The following ARHGAP19 variants were observed in gnomAD, a reference collection of about 807,000 sequenced individuals.
ARHGAP19 encodes the protein Rho GTPase activating protein 19.
A neutral mutation model predicts 60.9 loss-of-function variants in ARHGAP19; 48 were observed. That is an observed-to-expected ratio of 0.79 (90% CI 0.62 to 1.00). The LOEUF is 1.00. Ranked by LOEUF, ARHGAP19 falls within the 50% of genes least tolerant of loss-of-function variation. The pLI, the probability that ARHGAP19 is intolerant of heterozygous loss-of-function variation, is 0.00. For synonymous variants in ARHGAP19, 209 were observed against 215.5 expected (o/e 0.97, Z 0.27); for missense variants, 562 against 597.2 (o/e 0.94, Z 0.61).
chr10:97,248,295 AC>A, intron 6 of ARHGAP19, among the ~76,000 whole-genome samples: 1 of 152,038 alleles, frequency 6.6e-6, no homozygotes, highest in East Asian at 1.9e-4. Context: ...TCACCTGTAG[AC>A]CCAGCTACTC....
At chr10:97,229,094 G>A (rs1850953711) in intron 11 of ARHGAP19, 53 bp downstream of exon 11, 2 of 1,474,848 alleles carry the variant, frequency 1.4e-6, no homozygotes, top group Non-Finnish European at 1.9e-6. Context: ...CTACTGACTA[G>A]ATGCAGAAAG....
intron 5 of ARHGAP19, among the ~76,000 whole-genome samples, chr10:97,256,998 G>A (rs943710401): frequency 3.3e-5 from 5 of 152,104 alleles, no homozygotes; most frequent in East Asian, 1.9e-4. Context: ...GCGGGCGCCT[G>A]TAGTCCCAGC....
At position 97,226,071 on chromosome 10, in the gene ARHGAP19, C is replaced by A; in HGVS notation, c.*51G>T. On this transcript the variant is annotated 3_prime_UTR_variant, in exon 12 of 12. Transcript: ENST00000358531. ...TTGCTGTGGGCAGGAATAACACCTG[C>A]CCACTAAACAGAAAATTCTGCATGG... 6.2e-7 allele frequency: 1 copy of A among 1,601,360 alleles called. No homozygotes were observed. The highest frequency in any genetic ancestry group is 1.1e-5 in the South Asian group (1 of 90,070).
At chr10:97,281,111 A>G (rs753494572) in intron 1 of ARHGAP19, among the ~76,000 whole-genome samples, 22 of 152,008 alleles carry the variant, frequency 1.4e-4, no homozygotes, top group Non-Finnish European at 2.4e-4. Context: ...GGCCAGGCAC[A>G]GCGGCTCATG....
chr10:97,245,189 T>C (rs1842545588), intron 7 of ARHGAP19, among the ~76,000 whole-genome samples: 1 of 151,976 alleles, frequency 6.6e-6, no homozygotes, highest in East Asian at 2.0e-4. Context: ...GCATTTTTGG[T>C]AGAGACTGGG....
At chr10:97,267,981 C>T (rs545811859) in intron 1 of ARHGAP19, among the ~76,000 whole-genome samples, 7 of 152,244 alleles carry the variant, frequency 4.6e-5, no homozygotes, top group Admixed American at 6.5e-5. Flanking sequence ...TCCTTATCTA[C>T]GCAAATTTCT....
chr10:97,234,040 G>C (rs567591928), intron 9 of ARHGAP19, among the ~76,000 whole-genome samples: 3 of 151,932 alleles, frequency 2.0e-5, no homozygotes, highest in African/African-American at 7.2e-5. Flanking sequence ...GCTGAGGCGG[G>C]TGAATCACCT....
At chr10:97,291,291 A>C (rs971750221) in intron 1 of ARHGAP19, among the ~76,000 whole-genome samples, 5 of 152,108 alleles carry the variant, frequency 3.3e-5, no homozygotes, top group Non-Finnish European at 5.9e-5. Context: ...CAAAACAAAA[A>C]AGAGTGGAAA....
intron 8 of ARHGAP19, among the ~76,000 whole-genome samples, chr10:97,239,551 GGT>G (rs201308961): frequency 0.076 from 1,543 of 20,208 alleles, 35 homozygotes; most frequent in African/African-American, 0.1. Flanking sequence ...AGAGAGAGAG[GGT>G]GTGTGTGTGT....
intron 1 of ARHGAP19, among the ~76,000 whole-genome samples, chr10:97,289,302 G>A (rs1016576967): frequency 6.6e-6 from 1 of 151,774 alleles, no homozygotes; most frequent in African/African-American, 2.4e-5. Flanking sequence ...TTTTCATTGA[G>A]ATGGGGTTTC....
At chr10:97,253,714 T>C (rs1842719793) in intron 6 of ARHGAP19, among the ~76,000 whole-genome samples, 2 of 152,214 alleles carry the variant, frequency 1.3e-5, no homozygotes, top group South Asian at 2.1e-4. Flanking sequence ...GACTTGATCA[T>C]TGCACATTCA....
At chr10:97,268,232 C>T (rs534632956) in intron 1 of ARHGAP19, among the ~76,000 whole-genome samples, 1 of 152,282 alleles carries the variant, frequency 6.6e-6, no homozygotes, top group African/African-American at 2.4e-5. Context: ...CAACAAGTTC[C>T]TCATCTCCAT....
At chr10:97,279,758 G>C (rs1267300019) in intron 1 of ARHGAP19, among the ~76,000 whole-genome samples, 1 of 152,012 alleles carries the variant, frequency 6.6e-6, no homozygotes, top group Admixed American at 6.6e-5. Flanking sequence ...CCAAAGTGCT[G>C]GGATCACAGG....
chr10:97,267,255 G>A lies in ARHGAP19; in HGVS notation c.57-1130C>T, dbSNP rs200393278. Among the ~76,000 whole-genome samples, 4 of 152,194 alleles carry A rather than the reference G, an allele frequency of 2.6e-5. No individual in the cohort carries two copies. The East Asian group carries it at 5.8e-4, about 22-fold the overall frequency. On this transcript the variant is annotated intron_variant, in intron 1 of 11. Transcript: ENST00000358531. Reference sequence around the variant, plus strand: ...GGCAGTAATTAAATCTTACAGCTCTGAAATAATCTCCTTTGACTCCACGTC... The same window carrying A: ...GGCAGTAATTAAATCTTACAGCTCTAAAATAATCTCCTTTGACTCCACGTC...
chr10:97,250,064 G>T (rs1200558168), intron 6 of ARHGAP19, among the ~76,000 whole-genome samples: 1 of 152,090 alleles, frequency 6.6e-6, no homozygotes, highest in Admixed American at 6.6e-5. Context: ...GATTACAGGC[G>T]TGAGCCACCG....
intron 6 of ARHGAP19, among the ~76,000 whole-genome samples, chr10:97,252,604 CAG>C (rs1390771883): frequency 1.3e-5 from 2 of 151,954 alleles, no homozygotes; most frequent in Non-Finnish European, 2.9e-5. Flanking sequence ...AGCCTGGTGA[CAG>C]AGTGAGACTC....
Position 97,259,390 on chromosome 10 carries a change from G to A in ARHGAP19, c.840+12C>T, listed in dbSNP as rs373197171. On this transcript the variant is annotated intron_variant, in intron 5 of 11. Coordinates refer to ENST00000358531, the MANE Select transcript of ARHGAP19 (RefSeq NM_032900.6). ...AAACCAAGCAATCTTTACTCTTCCC[G>A]TCAACACTCACATTTTTTGGCCACA... 2.1e-4 allele frequency: 340 copies of A among 1,602,210 alleles called. No homozygotes were observed. Among genetic ancestry groups the A allele is most frequent in the Non-Finnish European group, 2.7e-4 (316 of 1,169,228 alleles).
At chr10:97,278,259 G>GA (rs1843043452) in intron 1 of ARHGAP19, among the ~76,000 whole-genome samples, 1 of 152,164 alleles carries the variant, frequency 6.6e-6, no homozygotes, top group East Asian at 1.9e-4. Flanking sequence ...ATCCCTGAAG[G>GA]AAAAATCAGT....
intron 1 of ARHGAP19, among the ~76,000 whole-genome samples, chr10:97,289,396 G>A (rs747347687): frequency 2.4e-4 from 37 of 152,118 alleles, no homozygotes; most frequent in Non-Finnish European, 4.7e-4. Flanking sequence ...TTACAGGTGT[G>A]AGCCATCGCA....
Sources: allele counts gnomAD v4.1 joint callset (sites outside exome capture counted in the v4.1 genomes callset), GRCh38; gene constraint gnomAD v4.1.1; transcripts MANE v1.5; gene names NCBI Gene and HGNC (gene_info 2026-07-23, HGNC 2026-07-21).